Variants in FGF12 observed in about 807,000 individuals in gnomAD.
FGF12 encodes fibroblast growth factor 12B.
Under a neutral mutation model 23.6 loss-of-function variants are expected in FGF12, and 14 were observed. The observed-to-expected ratio is 0.59, with a 90% confidence interval of 0.39 to 0.93. The LOEUF is 0.93. Among genes scored for constraint, FGF12 ranks in the 40% least tolerant of loss-of-function variants. The probability of loss-of-function intolerance (pLI) is 0.00; values close to 1 mark genes in which losing one functional copy is unlikely to be tolerated. For missense variants in FGF12, 175 were observed against 217.8 expected (o/e 0.80, Z 1.24); for synonymous variants, 62 against 77.3 (o/e 0.80, Z 1.04).
intron 4 of FGF12, among the ~76,000 whole-genome samples, chr3:192,256,321 G>A (rs1018490066): frequency 4.0e-5 from 6 of 151,840 alleles, no homozygotes; most frequent in Middle Eastern, 3.4e-3. Flanking sequence ...ATAATTCATT[G>A]TCTTATTGAT....
At chr3:192,555,107 G>T (rs1348909018) in intron 2 of FGF12, among the ~76,000 whole-genome samples, 3 of 151,828 alleles carry the variant, frequency 2.0e-5, no homozygotes, top group African/African-American at 4.8e-5. Flanking sequence ...GAAAGGGAAG[G>T]AAAGATTATT....
chr3:192,601,278 T>C (rs1117611), intron 2 of FGF12, among the ~76,000 whole-genome samples: 73,280 of 151,838 alleles, frequency 0.48, 18,038 homozygotes, highest in African/African-American at 0.58. Flanking sequence ...GAGAATACTA[T>C]AGGCTGGGAA....
intron 5 of FGF12, among the ~76,000 whole-genome samples, chr3:192,167,222 C>G (rs1715214531): frequency 6.6e-6 from 1 of 150,678 alleles, no homozygotes; most frequent in African/African-American, 2.4e-5. Flanking sequence ...AGTGTGACTA[C>G]CTGACTAGGT....
At chr3:192,442,546 C>T (rs1012794981) in intron 2 of FGF12, among the ~76,000 whole-genome samples, 15 of 152,160 alleles carry the variant, frequency 9.9e-5, no homozygotes, top group Non-Finnish European at 7.3e-5. Flanking sequence ...GATGTACTGT[C>T]TATCTGGGAC....
At chr3:192,592,239 T>C (rs1350659993) in intron 2 of FGF12, among the ~76,000 whole-genome samples, 1 of 151,908 alleles carries the variant, frequency 6.6e-6, no homozygotes, top group African/African-American at 2.4e-5. Context: ...TTTACAAAGC[T>C]CTGTTGGGAT....
Position 192,512,859 on chromosome 3 carries a change from T to TATAA in FGF12, c.14-152322_14-152321insTTAT, listed in dbSNP as rs376386122. On this transcript the variant is annotated intron_variant, in intron 2 of 5. Coordinates refer to ENST00000445105, the MANE Select transcript of FGF12 (RefSeq NM_004113.6). Reference sequence around the variant, plus strand: ...AAATATATATATATATATATATATATAACAGGCTATGTCTATCATTTCCAC... The same window carrying TATAA: ...AAATATATATATATATATATATATATATAAAACAGGCTATGTCTATCATTTCCAC... Among the ~76,000 whole-genome samples, 113 of 57,386 alleles carry TATAA rather than the reference T, an allele frequency of 2.0e-3. 10 individuals carry two copies. The highest frequency in any genetic ancestry group is 9.7e-3 in the South Asian group (15 of 1,542). The allele number at this position is 57,386 out of a possible 152,430, so 37.6% of individuals were successfully genotyped here. A position where few individuals can be genotyped will look rare whatever the true frequency, so the allele number is the denominator to read the frequency against.
chr3:192,532,821 TA>T (rs1725125222), intron 2 of FGF12, among the ~76,000 whole-genome samples: 1 of 152,200 alleles, frequency 6.6e-6, no homozygotes, highest in Non-Finnish European at 1.5e-5. Context: ...TTTGCTTGTT[TA>T]TTTTTTTCTT....
chr3:192,392,760 A>G (rs1288477905), intron 2 of FGF12, among the ~76,000 whole-genome samples: 1 of 152,082 alleles, frequency 6.6e-6, no homozygotes, highest in Non-Finnish European at 1.5e-5. Flanking sequence ...TTTTTTCTCT[A>G]TTGACCCATA....
chr3:192,191,001 G>A (rs1335256119), intron 4 of FGF12, among the ~76,000 whole-genome samples: 1 of 152,148 alleles, frequency 6.6e-6, no homozygotes, highest in Non-Finnish European at 1.5e-5. Context: ...TATCCTAAGA[G>A]TGAGCCTAAA....
At chr3:192,415,732 TCACACACACACACA>T (rs572589902) in intron 2 of FGF12, among the ~76,000 whole-genome samples, 54 of 118,054 alleles carry the variant, frequency 4.6e-4, no homozygotes, top group South Asian at 1.2e-3. Flanking sequence ...TCTCTCTCTC[TCACACACACACACA>T]CACACACACA....
At chr3:192,260,418 T>A (rs1712675093) in intron 4 of FGF12, among the ~76,000 whole-genome samples, 1 of 152,182 alleles carries the variant, frequency 6.6e-6, no homozygotes, top group African/African-American at 2.4e-5. Flanking sequence ...CTAAATTGGA[T>A]TCTGTTCATC....
At chr3:192,368,834 A>G (rs1719100923) in intron 2 of FGF12, among the ~76,000 whole-genome samples, 1 of 152,184 alleles carries the variant, frequency 6.6e-6, no homozygotes, top group Admixed American at 6.6e-5. Context: ...CAGACCCTTT[A>G]ATGAGAAAGT....
intron 4 of FGF12, among the ~76,000 whole-genome samples, chr3:192,278,224 A>G (rs1713922544): frequency 6.6e-6 from 1 of 152,244 alleles, no homozygotes; most frequent in Non-Finnish European, 1.5e-5. Flanking sequence ...GGGAATAGAT[A>G]TGAACTCTAA....
At chr3:192,290,327 A>G (rs1714687957) in intron 4 of FGF12, among the ~76,000 whole-genome samples, 1 of 152,162 alleles carries the variant, frequency 6.6e-6, no homozygotes. Flanking sequence ...TCAATTAAAA[A>G]TAACAATTTT....
intron 2 of FGF12, among the ~76,000 whole-genome samples, chr3:192,658,780 G>T (rs1324145251): frequency 6.7e-6 from 1 of 150,340 alleles, no homozygotes; most frequent in Non-Finnish European, 1.5e-5. Flanking sequence ...TATCCCATTA[G>T]AAGCTGAAGA....
At chr3:192,288,745 A>G (rs1466338512) in intron 4 of FGF12, among the ~76,000 whole-genome samples, 2 of 152,106 alleles carry the variant, frequency 1.3e-5, no homozygotes, top group Non-Finnish European at 2.9e-5. Flanking sequence ...CTATCCCAAA[A>G]CTAGTTTGTG....
intron 2 of FGF12, among the ~76,000 whole-genome samples, chr3:192,664,402 G>A (rs990595569): frequency 1.3e-5 from 2 of 151,928 alleles, no homozygotes. Flanking sequence ...TCTTATCAGA[G>A]CACTAAAACT....
chr3:192,145,096 T>C (rs1482199152), intron 5 of FGF12, among the ~76,000 whole-genome samples: 1 of 152,200 alleles, frequency 6.6e-6, no homozygotes, highest in Non-Finnish European at 1.5e-5. Context: ...CTTTGAGTGG[T>C]TACCGATTTG....
chr3:192,331,924 A>C (rs1423872391), intron 4 of FGF12, among the ~76,000 whole-genome samples: 5 of 152,138 alleles, frequency 3.3e-5, no homozygotes, highest in Non-Finnish European at 7.4e-5. Context: ...TTCAAGAATG[A>C]AAGTGAAAGG....
Sources: allele counts gnomAD v4.1 joint callset (sites outside exome capture counted in the v4.1 genomes callset), GRCh38; gene constraint gnomAD v4.1.1; transcripts MANE v1.5; gene names NCBI Gene and HGNC (gene_info 2026-07-23, HGNC 2026-07-21).